Variants in ROR2 observed in about 807,000 individuals in gnomAD.
ROR2 encodes the protein ROR family WNT receptor 2.
A neutral mutation model predicts 74.9 loss-of-function variants in ROR2; 33 were observed. The ratio of observed to expected loss-of-function variants is 0.44; its 90% CI spans 0.33 to 0.59. The LOEUF (loss-of-function observed/expected upper bound fraction) is 0.59. Among genes scored for constraint, ROR2 ranks in the 20% least tolerant of loss-of-function variants. ROR2 has a pLI of 0.02. For missense variants in ROR2, 1,216 were observed against 1,313.8 expected (o/e 0.93, Z 1.15); for synonymous variants, 586 against 558.7 (o/e 1.05, Z -0.69).
intron 1 of ROR2, among the ~76,000 whole-genome samples, chr9:91,902,387 A>G (rs1175418474): frequency 6.6e-6 from 1 of 151,920 alleles, no homozygotes; most frequent in African/African-American, 2.4e-5. Context: ...CAGGCCCTCC[A>G]TCACCTCTCC....
At chr9:91,826,062 T>C (rs544695449) in intron 1 of ROR2, among the ~76,000 whole-genome samples, 1 of 152,340 alleles carries the variant, frequency 6.6e-6, no homozygotes, top group African/African-American at 2.4e-5. Context: ...TGTCTTATGT[T>C]GTACGTATCC....
chr9:91,912,476 C>T lies in ROR2; in HGVS notation c.97+37391G>A, dbSNP rs971893397. Among the ~76,000 whole-genome samples the T allele has an allele frequency of 4.6e-5, 7 of 152,022 alleles. No homozygotes were observed. In the South Asian group the frequency reaches 1.0e-3, roughly 23 times the overall value. On this transcript the variant is annotated intron_variant, in intron 1 of 8. Transcript: ENST00000375708. ...ATTGTGTATACAGATATCAAAATAC[C>T]GTATGTGCTCCCAAAATATATACTA...
At chr9:91,833,448 G>A (rs149076635) in intron 1 of ROR2, among the ~76,000 whole-genome samples, 4 of 152,154 alleles carry the variant, frequency 2.6e-5, no homozygotes, top group Non-Finnish European at 5.9e-5. Context: ...CCTTTCAGGC[G>A]CTCAAGTCAA....
Position 91,892,473 on chromosome 9 carries a change from G to A in ROR2, c.97+57394C>T, listed in dbSNP as rs114772559. Among the ~76,000 whole-genome samples the A allele has an allele frequency of 5.8e-3, 879 of 151,904 alleles. 10 individuals are homozygous for A. Among genetic ancestry groups the A allele is most frequent in the African/African-American group, 0.02 (838 of 41,424 alleles). ...ATACCTATCTCAATGGGTTCTTGAG[G>A]GGATGAAACAGATTAAACTATATAA... On this transcript the variant is annotated intron_variant, in intron 1 of 8. Transcript: ENST00000375708.
intron 4 of ROR2, among the ~76,000 whole-genome samples, chr9:91,747,015 C>G (rs1825443778): frequency 6.6e-6 from 1 of 152,144 alleles, no homozygotes; most frequent in Admixed American, 6.5e-5. Context: ...ACTTCCCTCC[C>G]ACTAGAAGCA....
chr9:91,738,514 G>T (rs2118734373), intron 4 of ROR2, among the ~76,000 whole-genome samples: 1 of 152,264 alleles, frequency 6.6e-6, no homozygotes, highest in East Asian at 1.9e-4. Flanking sequence ...TTATGGCAAT[G>T]CCCCTGCAAA....
chr9:91,834,617 C>T (rs1296861375), intron 1 of ROR2, among the ~76,000 whole-genome samples: 2 of 152,218 alleles, frequency 1.3e-5, no homozygotes, highest in Admixed American at 6.5e-5. Context: ...TGCAGACACA[C>T]AGCACTGAGA....
intron 1 of ROR2, among the ~76,000 whole-genome samples, chr9:91,796,416 G>C (rs2119027091): frequency 7.1e-6 from 1 of 140,110 alleles, no homozygotes; most frequent in African/African-American, 2.7e-5. Flanking sequence ...CTGGGCAACA[G>C]AGTGAGACCT....
chr9:91,726,261 G>A (rs546503582), intron 8 of ROR2, among the ~76,000 whole-genome samples: 1 of 152,230 alleles, frequency 6.6e-6, no homozygotes, highest in African/African-American at 2.4e-5. Flanking sequence ...CACCTGGACA[G>A]TGAGGACACT....
In ROR2 at chr9:91,731,139, G is replaced by C; in HGVS notation, c.954C>G (p.Asn318Lys). 6.2e-7 allele frequency: 1 copy of C among 1,614,038 alleles called. No individual in the cohort carries two copies. Among genetic ancestry groups the C allele is most frequent in the Non-Finnish European group, 8.5e-7 (1 of 1,180,022 alleles). Reference sequence around the variant, plus strand: ...TTCCTCTGTAATCCATGCCTGAGCCGTTATAGCACTGATGGTCTGAACAAG... The same window carrying C: ...TTCCTCTGTAATCCATGCCTGAGCCCTTATAGCACTGATGGTCTGAACAAG... ...ERLGRYHQCY[N>K]GSGMDYRGTA... The change falls in exon 7 of 9, where the codon AAC becomes AAG. Residue 318 changes from asparagine (N) to lysine (K), a missense_variant. Coordinates refer to ENST00000375708, the MANE Select transcript of ROR2 (RefSeq NM_004560.4).
chr9:91,845,475 G>A (rs1367940822), intron 1 of ROR2, among the ~76,000 whole-genome samples: 2 of 152,120 alleles, frequency 1.3e-5, no homozygotes, highest in African/African-American at 4.8e-5. Context: ...CACTAGGGGA[G>A]TTCCCAGTCA....
chr9:91,753,450 T>C (rs1259258081), intron 4 of ROR2, among the ~76,000 whole-genome samples: 2 of 152,236 alleles, frequency 1.3e-5, no homozygotes, highest in Non-Finnish European at 2.9e-5. Flanking sequence ...AGTCATCTTA[T>C]GGAAGATAAG....
chr9:91,827,427 A>C (rs1318138731), intron 1 of ROR2, among the ~76,000 whole-genome samples: 1 of 152,176 alleles, frequency 6.6e-6, no homozygotes, highest in East Asian at 1.9e-4. Flanking sequence ...TAAATAAATA[A>C]ACATTTCTCT....
At chr9:91,836,753 C>A (rs1402093982) in intron 1 of ROR2, among the ~76,000 whole-genome samples, 1 of 152,238 alleles carries the variant, frequency 6.6e-6, no homozygotes, top group Non-Finnish European at 1.5e-5. Flanking sequence ...AGTTCTGGAA[C>A]TTCTTGAAGC....
intron 1 of ROR2, among the ~76,000 whole-genome samples, chr9:91,806,177 C>T (rs927817178): frequency 1.3e-5 from 2 of 152,208 alleles, no homozygotes; most frequent in African/African-American, 4.8e-5. Context: ...GCCACTCTAA[C>T]AGCATACCAT....
At chr9:91,885,314 G>T (rs191634203) in intron 1 of ROR2, among the ~76,000 whole-genome samples, 1 of 152,168 alleles carries the variant, frequency 6.6e-6, no homozygotes, top group South Asian at 2.1e-4. Context: ...TGGGGGTTGG[G>T]GGGCGGTAGG....
chr9:91,932,176 G>A (rs942801162), intron 1 of ROR2, among the ~76,000 whole-genome samples: 6 of 151,992 alleles, frequency 3.9e-5, no homozygotes, highest in Admixed American at 6.6e-5. Flanking sequence ...CATGTGAACC[G>A]AAGATTTAAC....
chr9:91,871,517 T>C (rs1310037578), intron 1 of ROR2, among the ~76,000 whole-genome samples: 1 of 152,086 alleles, frequency 6.6e-6, no homozygotes, highest in African/African-American at 2.4e-5. Context: ...TTGCGACAGG[T>C]TGTATTTTCC....
At chr9:91,755,237 C>T (rs909495970) in intron 4 of ROR2, among the ~76,000 whole-genome samples, 3 of 152,216 alleles carry the variant, frequency 2.0e-5, no homozygotes, top group African/African-American at 4.8e-5. Flanking sequence ...AGCCTCCCAA[C>T]GTGGTGTTGC....
Sources: allele counts gnomAD v4.1 joint callset (sites outside exome capture counted in the v4.1 genomes callset), GRCh38; gene constraint gnomAD v4.1.1; transcripts MANE v1.5; gene names NCBI Gene and HGNC (gene_info 2026-07-23, HGNC 2026-07-21).